Variants in NDFIP1 observed in about 807,000 individuals in gnomAD.
NDFIP1 encodes Nedd4 family interacting protein 1, also known as NEDD4 family-interacting protein 1.
Under a neutral mutation model 28.8 loss-of-function variants are expected in NDFIP1, and 7 were observed. The observed-to-expected ratio is 0.24, with a 90% CI of 0.14 to 0.46. The LOEUF (loss-of-function observed/expected upper bound fraction) is 0.46. Among genes scored for constraint, NDFIP1 ranks in the 20% least tolerant of loss-of-function variants. The pLI, the probability that NDFIP1 is intolerant of heterozygous loss-of-function variation, is 0.99. For missense variants in NDFIP1, 194 were observed against 269.1 expected (o/e 0.72, Z 1.95); for synonymous variants, 92 against 101.0 (o/e 0.91, Z 0.53).
intron 1 of NDFIP1, among the ~76,000 whole-genome samples, chr5:142,109,778 A>T (rs186828527): frequency 5.1e-4 from 77 of 152,322 alleles, no homozygotes; most frequent in African/African-American, 1.8e-3. Context: ...GATTTAATAC[A>T]TTGAGGCCCC....
intron 5 of NDFIP1, among the ~76,000 whole-genome samples, chr5:142,139,278 G>A (rs975350563): frequency 1.3e-5 from 2 of 151,900 alleles, no homozygotes; most frequent in Non-Finnish European, 2.9e-5. Flanking sequence ...TTTTGACTGT[G>A]AGTAACAAAA....
At chr5:142,132,142 G>A in intron 2 of NDFIP1, 70 bp from the exon 3 acceptor site, 1 of 1,559,528 alleles carries the variant, frequency 6.4e-7, no homozygotes, top group Non-Finnish European at 8.7e-7. Flanking sequence ...TTGTCTGCTA[G>A]AGTTAGTGGA....
intron 1 of NDFIP1, among the ~76,000 whole-genome samples, chr5:142,117,247 CT>C (rs11346871): frequency 0.64 from 85,929 of 134,224 alleles, 26,839 homozygotes; most frequent in African/African-American, 0.71. Flanking sequence ...TCTTTTTTTG[CT>C]TTTTTTTTTT....
chr5:142,142,788 T>C (rs1334902300), intron 6 of NDFIP1, among the ~76,000 whole-genome samples: 2 of 151,380 alleles, frequency 1.3e-5, no homozygotes, highest in Non-Finnish European at 2.9e-5. Flanking sequence ...ATTAGCTGGC[T>C]GTGGTTGCTC....
intron 1 of NDFIP1, among the ~76,000 whole-genome samples, chr5:142,125,465 T>C (rs1017048800): frequency 6.6e-6 from 1 of 152,170 alleles, no homozygotes; most frequent in Non-Finnish European, 1.5e-5. Context: ...TTGGCTAAAG[T>C]GATCCTCCTG....
chr5:142,129,925 A>AG (rs1757209680), intron 1 of NDFIP1, among the ~76,000 whole-genome samples: 2 of 149,164 alleles, frequency 1.3e-5, no homozygotes, highest in African/African-American at 4.9e-5. Flanking sequence ...AAAAAAAAAA[A>AG]AAAAAGAAAG....
intron 7 of NDFIP1, among the ~76,000 whole-genome samples, chr5:142,147,689 G>A (rs1757402734): frequency 6.6e-6 from 1 of 152,190 alleles, no homozygotes; most frequent in African/African-American, 2.4e-5. Context: ...AATTACTAAA[G>A]GATAAATTTG....
intron 3 of NDFIP1, among the ~76,000 whole-genome samples, chr5:142,133,413 T>G (rs1420058609): frequency 2.0e-5 from 3 of 152,264 alleles, no homozygotes; most frequent in Non-Finnish European, 4.4e-5. Context: ...ATCTTCATAG[T>G]AACCTTGAAA....
At chr5:142,145,862 C>T (rs1318033387) in intron 7 of NDFIP1, among the ~76,000 whole-genome samples, 1 of 152,264 alleles carries the variant, frequency 6.6e-6, no homozygotes, top group African/African-American at 2.4e-5. Context: ...GTTCTGTACT[C>T]GCAGAGTGTC....
intron 1 of NDFIP1, among the ~76,000 whole-genome samples, chr5:142,117,797 G>C (rs959107029): frequency 8.6e-5 from 12 of 139,388 alleles, no homozygotes; most frequent in African/African-American, 2.7e-5. Context: ...ACATAGTCTC[G>C]GCTCACTGCA....
intron 1 of NDFIP1, among the ~76,000 whole-genome samples, chr5:142,126,314 G>A (rs769260925): frequency 8.5e-5 from 13 of 152,164 alleles, no homozygotes; most frequent in Non-Finnish European, 1.2e-4. Flanking sequence ...TTAACTCTAA[G>A]ATAGAAGTAG....
In NDFIP1 at chr5:142,108,939, G is replaced by A. The variant is rs1461707197; in HGVS notation, c.-36G>A. 2.8e-6 allele frequency: 4 copies of A among 1,418,886 alleles called. No individual in the cohort carries two copies. Among genetic ancestry groups the A allele is most frequent in the South Asian group, 2.8e-5 (2 of 70,982 alleles). The allele number at this position is 1,418,886 out of a possible 1,614,324, so 87.9% of individuals were successfully genotyped here. ...GCGGCCGCGCCCCTTCAGCTAGCTC[G>A]CTCGCTCGCTCTGCTTCCCTGCTGC... On this transcript the variant is annotated 5_prime_UTR_variant, in exon 1 of 8. Coordinates refer to ENST00000253814, the MANE Select transcript of NDFIP1 (RefSeq NM_030571.4).
At position 142,148,919 on chromosome 5, in the gene NDFIP1, A is replaced by G. The variant is rs184966670; in HGVS notation, c.*3-2812A>G. 2.7e-3 allele frequency among the ~76,000 whole-genome samples: 407 copies of G among 152,242 alleles called. 2 individuals carry two copies. The highest frequency in any genetic ancestry group is 9.4e-3 in the African/African-American group (389 of 41,534). On this transcript the variant is annotated intron_variant, in intron 7 of 7. Transcript: ENST00000253814. ...TTTTTATGGATTACCACCTCCTCTGATGCTGCCAGGTGAATGAGGAGTTAG... is the reference window on the plus strand; with the variant it reads ...TTTTTATGGATTACCACCTCCTCTGGTGCTGCCAGGTGAATGAGGAGTTAG...
intron 1 of NDFIP1, among the ~76,000 whole-genome samples, chr5:142,130,092 T>C (rs1458538788): frequency 6.6e-6 from 1 of 152,172 alleles, no homozygotes; most frequent in Non-Finnish European, 1.5e-5. Flanking sequence ...TATATCCTGA[T>C]GATACCGAAG....
At chr5:142,142,678 A>G (rs1242857806) in intron 6 of NDFIP1, among the ~76,000 whole-genome samples, 1 of 152,060 alleles carries the variant, frequency 6.6e-6, no homozygotes, top group Non-Finnish European at 1.5e-5. Context: ...CTGTAATCCC[A>G]GCACTTTGGG....
intron 1 of NDFIP1, among the ~76,000 whole-genome samples, chr5:142,122,320 T>A (rs1757129618): frequency 6.6e-6 from 1 of 152,236 alleles, no homozygotes; most frequent in African/African-American, 2.4e-5. Flanking sequence ...AACATGATGT[T>A]GCAAAATTTA....
intron 1 of NDFIP1, among the ~76,000 whole-genome samples, chr5:142,117,294 A>T (rs1325791860): frequency 6.8e-6 from 1 of 146,664 alleles, no homozygotes; most frequent in East Asian, 2.0e-4. Context: ...GCCAGGCTGG[A>T]GTGCAGTGGC....
intron 7 of NDFIP1, among the ~76,000 whole-genome samples, chr5:142,148,517 G>A (rs1159206869): frequency 2.0e-5 from 3 of 152,064 alleles, no homozygotes; most frequent in African/African-American, 4.8e-5. Flanking sequence ...TTGGGAGGCC[G>A]AGGTGGGCAG....
intron 3 of NDFIP1, among the ~76,000 whole-genome samples, chr5:142,135,332 A>G (rs1409821403): frequency 6.6e-6 from 1 of 152,092 alleles, no homozygotes; most frequent in Non-Finnish European, 1.5e-5. Flanking sequence ...TCGATTACTG[A>G]TATTCTAGAA....
Sources: allele counts gnomAD v4.1 joint callset (sites outside exome capture counted in the v4.1 genomes callset), GRCh38; gene constraint gnomAD v4.1.1; transcripts MANE v1.5; gene names NCBI Gene and HGNC (gene_info 2026-07-23, HGNC 2026-07-21).